Variants in PARVB observed in about 807,000 individuals in gnomAD.
PARVB encodes the protein parvin beta.
Under a neutral mutation model 47.0 loss-of-function variants are expected in PARVB, and 46 were observed. That is an observed-to-expected ratio of 0.98 (90% CI 0.77 to 1.25). PARVB has a LOEUF of 1.25. PARVB is among the 50% of genes most tolerant of loss of function. The probability of loss-of-function intolerance (pLI) is 0.00; values close to 1 mark genes in which losing one functional copy is unlikely to be tolerated. For synonymous variants in PARVB, 196 were observed against 196.3 expected, an observed-to-expected ratio of 1.00 and a Z score of 0.01; for missense variants, 473 against 471.6, an observed-to-expected ratio of 1.00 and a Z score of -0.03.
Position 44,093,964 on chromosome 22 carries a change from A to C in PARVB, c.149A>C (p.Asn50Thr). The part of the protein sequence containing the change: ...DLQEEGKNAI[N>T]SPMSPALVDV... ...CAGGAAGAAGGCAAGAATGCCATCA[A>C]CTCACCGATGTCCCCCGCCCTGGTG... is the stretch of plus-strand genomic sequence containing the variant. Residue 50 changes from asparagine (N) to threonine (T), a missense_variant, in exon 2 of 13, where the codon AAC becomes ACC. Physicochemically the swap from Asn to Thr is moderately conservative, Grantham distance 65. Transcript: ENST00000338758. 1 of 1,613,844 alleles carries C rather than the reference A, an allele frequency of 6.2e-7. No individual in the cohort carries two copies. Among genetic ancestry groups the C allele is most frequent in the Non-Finnish European group, 8.5e-7 (1 of 1,179,772 alleles).
intron 1 of PARVB, among the ~76,000 whole-genome samples, chr22:44,073,550 A>C (rs1473195866): frequency 1.3e-5 from 2 of 152,218 alleles, no homozygotes; most frequent in Non-Finnish European, 2.9e-5. Flanking sequence ...CTGACTCTTA[A>C]ACGTCTCGAA....
At chr22:44,163,021 AG>A (rs1235550176) in intron 11 of PARVB, among the ~76,000 whole-genome samples, 1 of 152,138 alleles carries the variant, frequency 6.6e-6, no homozygotes, top group Non-Finnish European at 1.5e-5. Flanking sequence ...GTCCCTACTC[AG>A]TGCTAAGGCC....
At chr22:44,136,582 G>GAAGTGGCAGCCTGGGGT in intron 7 of PARVB, 64 bp downstream of exon 7, 1 of 1,367,938 alleles carries the variant, frequency 7.3e-7, no homozygotes, top group Non-Finnish European at 1.0e-6. Context: ...ACCCCAGGCT[G>GAAGTGGCAGCCTGGGGT]CCACTTCAGC....
chr22:44,067,248 G>A (rs932952754), intron 1 of PARVB, among the ~76,000 whole-genome samples: 17 of 152,230 alleles, frequency 1.1e-4, no homozygotes, highest in Non-Finnish European at 1.0e-4. Context: ...GATGCATACA[G>A]GGTGAGTGAA....
chr22:44,049,924 T>A lies in PARVB; in HGVS notation c.112+25473T>A, dbSNP rs1244657945. 1.3e-5 allele frequency among the ~76,000 whole-genome samples: 2 copies of A among 152,226 alleles called. No homozygotes were observed. Among genetic ancestry groups the A allele is most frequent in the Middle Eastern group, 3.2e-3 (1 of 316 alleles). ...GATGTTGTACTGTGAATAAGCCCCA[T>A]GCCTACTTGAGTTTGGGGTTTCTGT... is the stretch of plus-strand genomic sequence containing the variant. On this transcript the variant is annotated intron_variant, in intron 1 of 12. Coordinates refer to ENST00000338758, the MANE Select transcript of PARVB (RefSeq NM_013327.5). The surrounding 1 kb of genome is among the most constrained non-coding windows in gnomAD (Gnocchi z 4.0).
chr22:44,095,438 A>G (rs757181635), intron 2 of PARVB, among the ~76,000 whole-genome samples: 12 of 151,738 alleles, frequency 7.9e-5, no homozygotes, highest in Non-Finnish European at 1.5e-4. Flanking sequence ...CGGGATTGGG[A>G]TGTTGCAGTG....
intron 2 of PARVB, among the ~76,000 whole-genome samples, chr22:44,017,271 A>C (rs1260202247): frequency 2.0e-5 from 3 of 152,230 alleles, no homozygotes; most frequent in African/African-American, 7.2e-5. Context: ...GTCTCTAGAC[A>C]AAGAGGTGCA....
chr22:44,118,938 C>T (rs2052976699), intron 3 of PARVB, 100 bp from the exon 4 acceptor site: 2 of 812,736 alleles, frequency 2.5e-6, no homozygotes, highest in Non-Finnish European at 4.3e-6. Flanking sequence ...CCGGTGGTGG[C>T]TGCAGAGCTG....
chr22:44,154,797 T>G (rs1020951180), intron 10 of PARVB, among the ~76,000 whole-genome samples: 15 of 142,860 alleles, frequency 1.0e-4, no homozygotes, highest in Admixed American at 8.4e-4. Flanking sequence ...TGTGGTGTGA[T>G]GTGTGTGTGT....
Position 44,151,450 on chromosome 22 carries a change from T to C in PARVB, c.775-33T>C, listed in dbSNP as rs759039794. 246 of 1,581,392 alleles carry C rather than the reference T, an allele frequency of 1.6e-4. No individual in the cohort carries two copies. The Middle Eastern group carries it at 7.9e-3, about 51-fold the overall frequency. Reference sequence around the variant, plus strand: ...CAGATGGGACCTGCATGCGGGCCATTCATGGCTCCTGTGTCTCTTTTATTC... The same window carrying C: ...CAGATGGGACCTGCATGCGGGCCATCCATGGCTCCTGTGTCTCTTTTATTC... On this transcript the variant is annotated intron_variant, in intron 9 of 12. Coordinates refer to ENST00000338758, the MANE Select transcript of PARVB (RefSeq NM_013327.5).
chr22:44,022,745 T>C (rs2050665527), upstream of PARVB, among the ~76,000 whole-genome samples: 1 of 132,980 alleles, frequency 7.5e-6, no homozygotes, highest in Non-Finnish European at 1.5e-5. Context: ...TTTTTATTTT[T>C]TATTTTTTTT....
intron 6 of PARVB, among the ~76,000 whole-genome samples, chr22:44,133,340 T>G (rs189222770): frequency 6.6e-6 from 1 of 152,314 alleles, no homozygotes; most frequent in Admixed American, 6.5e-5. Flanking sequence ...TGGAGGAGGT[T>G]GGCCCCGCGG....
At chr22:44,022,897 C>T (rs1190493652), upstream of PARVB, among the ~76,000 whole-genome samples, 1 of 152,014 alleles carries the variant, frequency 6.6e-6, no homozygotes, top group Non-Finnish European at 1.5e-5. Context: ...CAGGCATCCA[C>T]CACCATGCCC....
intron 1 of PARVB, among the ~76,000 whole-genome samples, chr22:44,067,209 TCC>T (rs951059917): frequency 6.6e-6 from 1 of 152,174 alleles, no homozygotes; most frequent in Non-Finnish European, 1.5e-5. Flanking sequence ...CATTGTGAAA[TCC>T]CCTTGCCTGG....
intron 2 of PARVB, among the ~76,000 whole-genome samples, chr22:44,005,046 G>C (rs572677189): frequency 1.3e-5 from 2 of 152,222 alleles, no homozygotes; most frequent in South Asian, 4.1e-4. Flanking sequence ...TTGCAATAAA[G>C]GTGGGAAAAA....
Position 44,140,123 on chromosome 22 carries a change from G to C in PARVB, c.693-1G>C, listed in dbSNP as rs150434951. The C allele has an allele frequency of 6.3e-7, 1 of 1,592,202 alleles. No individual in the cohort carries two copies. The highest frequency in any genetic ancestry group is 1.1e-5 in the South Asian group (1 of 90,308). ...GGCTCTCTCTGTGTTCTTGTTTGCA[G>C]GATGATGATGGGCCGGTTCGGTAAG... On this transcript the variant is annotated splice_acceptor_variant, in intron 7 of 12. Transcript: ENST00000338758. LOFTEE classifies it high-confidence loss of function.
intron 4 of PARVB, among the ~76,000 whole-genome samples, chr22:44,127,959 T>C (rs1461770131): frequency 6.6e-6 from 1 of 152,136 alleles, no homozygotes; most frequent in Non-Finnish European, 1.5e-5. Context: ...ATAATTTTTG[T>C]ATTTTCTGTA....
At chr22:44,153,965 G>C (rs1378151544) in intron 10 of PARVB, among the ~76,000 whole-genome samples, 3 of 152,216 alleles carry the variant, frequency 2.0e-5, no homozygotes, top group Non-Finnish European at 4.4e-5. Flanking sequence ...TAAAAGCCTA[G>C]AAGTGGAGTC....
At position 44,068,712 on chromosome 22, in the gene PARVB, G is replaced by A. The variant is rs1411526235; in HGVS notation, c.113-25216G>A. 1.3e-5 allele frequency among the ~76,000 whole-genome samples: 2 copies of A among 152,180 alleles called. No individual in the cohort carries two copies. Among genetic ancestry groups the A allele is most frequent in the Non-Finnish European group, 1.5e-5 (1 of 68,030 alleles). Reference sequence around the variant, plus strand: ...GGTCAGGCAGAGGAGACCCAGCTCCGTGCCAGCTTGCAGACCCCCAATCAC... The same window carrying A: ...GGTCAGGCAGAGGAGACCCAGCTCCATGCCAGCTTGCAGACCCCCAATCAC... On this transcript the variant is annotated intron_variant, in intron 1 of 12. Coordinates refer to ENST00000338758, the MANE Select transcript of PARVB (RefSeq NM_013327.5). This position sits in a 1 kb window ranked among gnomAD's most constrained non-coding sequence, Gnocchi z 4.1.
Sources: gnomAD v4.1 joint callset for allele counts (sites outside exome capture counted in the v4.1 genomes callset) on GRCh38, gnomAD v4.1.1 for gene constraint, Gnocchi (gnomAD v3.1) non-coding constraint, MANE v1.5 for transcripts, NCBI Gene and HGNC (gene_info 2026-07-23, HGNC 2026-07-21) for gene names.